CELF2: variants seen among roughly 807,000 people sequenced by gnomAD.
CELF2 encodes the protein CUGBP Elav-like family member 2.
Under a neutral mutation model 62.6 loss-of-function variants are expected in CELF2, and 8 were observed. The observed-to-expected ratio is 0.13, with a 90% CI of 0.07 to 0.23. The LOEUF (loss-of-function observed/expected upper bound fraction) is 0.23, where lower values mean the gene tolerates loss of function less well. CELF2 is among the 10% of genes least tolerant of loss of function. The pLI is 1.00. For missense variants in CELF2, 333 were observed against 671.0 expected (o/e 0.50, Z 5.56); for synonymous variants, 258 against 250.0 (o/e 1.03, Z -0.30).
the CELF2 span, among the ~76,000 whole-genome samples, chr10:10,575,405 TG>T: frequency 2.6e-5 from 4 of 152,234 alleles, no homozygotes; most frequent in Non-Finnish European, 4.4e-5. Flanking sequence ...TCACAAAACT[TG>T]CTCTATGTTG....
At chr10:10,925,352 C>T (rs1470333708) in intron 2 of CELF2, among the ~76,000 whole-genome samples, 1 of 152,014 alleles carries the variant, frequency 6.6e-6, no homozygotes, top group East Asian at 1.9e-4. Context: ...TCAGTATTGA[C>T]ACAGTTCATC....
chr10:11,134,863 C>A (rs549294038), intron 1 of CELF2, among the ~76,000 whole-genome samples: 3 of 152,162 alleles, frequency 2.0e-5, no homozygotes, highest in Non-Finnish European at 4.4e-5. Flanking sequence ...AGGAGGGGCA[C>A]GTGTCTATCT....
intron 1 of CELF2, chr10:11,030,546 C>A (rs1275434785): frequency 6.6e-6 from 1 of 152,174 alleles, no homozygotes; most frequent in African/African-American, 2.4e-5. Flanking sequence ...GGTCGCACTT[C>A]TGTTTCTTGT....
the CELF2 span, among the ~76,000 whole-genome samples, chr10:10,699,298 A>T: frequency 6.6e-6 from 1 of 152,226 alleles, no homozygotes; most frequent in Non-Finnish European, 1.5e-5. Flanking sequence ...AACAATCATG[A>T]CAGTAATTAT....
rs916504481 is a variant in CELF2 at position 10,814,406 on chromosome 10, T to G, written c.53+15589T>G. ...TCGCCACAAAATCTAACCTCTTCTT[T>G]TGGATGTGGCCTCCCACATTTTATT... is the stretch of plus-strand genomic sequence containing the variant. On this transcript the variant is annotated intron_variant, in intron 1 of 13. Coordinates refer to the CELF2 transcript ENST00000636488. 5.3e-5 allele frequency among the ~76,000 whole-genome samples: 8 copies of G among 152,052 alleles called. 1 individual carries two copies. The South Asian group carries it at 1.5e-3, about 28-fold the overall frequency.
intron 9 of CELF2, among the ~76,000 whole-genome samples, chr10:11,310,659 GAT>G (rs1397471056): frequency 1.3e-5 from 2 of 151,730 alleles, no homozygotes; most frequent in Non-Finnish European, 2.9e-5. Context: ...ATGTGCGAGG[GAT>G]AGTTTTTAAC....
At chr10:11,317,674 AC>A (rs2095124460) in intron 10 of CELF2, 1 of 152,206 alleles carries the variant, frequency 6.6e-6, no homozygotes, top group African/African-American at 2.4e-5. Flanking sequence ...TAGTCCCCCA[AC>A]AAAAGACATT....
the CELF2 span, among the ~76,000 whole-genome samples, chr10:10,758,754 G>A: frequency 6.6e-6 from 1 of 152,358 alleles, no homozygotes; most frequent in African/African-American, 2.4e-5. Flanking sequence ...CATCCAGTGT[G>A]TAATTGACAG....
intron 1 of CELF2, among the ~76,000 whole-genome samples, chr10:10,915,672 C>T (rs376853286): frequency 5.3e-5 from 8 of 152,092 alleles, no homozygotes; most frequent in South Asian, 4.1e-4. Flanking sequence ...TGGGCTCAAG[C>T]GATCCTCCTA....
At chr10:10,551,686 G>T in the CELF2 span, among the ~76,000 whole-genome samples, 1 of 152,144 alleles carries the variant, frequency 6.6e-6, no homozygotes, top group Non-Finnish European at 1.5e-5. Flanking sequence ...TTACAGCGTG[G>T]TCCTTAAGCA....
the CELF2 span, among the ~76,000 whole-genome samples, chr10:10,580,457 A>C: frequency 2.0e-5 from 3 of 152,146 alleles, no homozygotes; most frequent in Non-Finnish European, 4.4e-5. Flanking sequence ...TTCTAAGCTC[A>C]CAACCTGTTC....
chr10:10,744,911 A>T, the CELF2 span, among the ~76,000 whole-genome samples: 1 of 152,084 alleles, frequency 6.6e-6, no homozygotes, highest in East Asian at 1.9e-4. Flanking sequence ...CCATTTTACC[A>T]ATCTTTCCTG....
At chr10:10,868,623 G>C (rs527529673) in intron 1 of CELF2, among the ~76,000 whole-genome samples, 23 of 152,310 alleles carry the variant, frequency 1.5e-4, no homozygotes, top group Non-Finnish European at 3.1e-4. Flanking sequence ...TATTGCAGCT[G>C]TCTTTGGGGT....
At chr10:10,704,583 A>G in the CELF2 span, among the ~76,000 whole-genome samples, 1 of 152,186 alleles carries the variant, frequency 6.6e-6, no homozygotes, top group Admixed American at 6.5e-5. Context: ...AAACTATAAA[A>G]TTAAAAGGCT....
At chr10:10,512,745 T>C in the CELF2 span, among the ~76,000 whole-genome samples, 1 of 152,166 alleles carries the variant, frequency 6.6e-6, no homozygotes, top group South Asian at 2.1e-4. Flanking sequence ...ATTAAAGACA[T>C]TTTTATTTCT....
At chr10:10,519,485 A>G in the CELF2 span, among the ~76,000 whole-genome samples, 1 of 152,220 alleles carries the variant, frequency 6.6e-6, no homozygotes, top group South Asian at 2.1e-4. Context: ...GAACCTCACA[A>G]GTCAACTAAC....
At chr10:10,538,904 T>C in the CELF2 span, among the ~76,000 whole-genome samples, 1 of 152,246 alleles carries the variant, frequency 6.6e-6, no homozygotes, top group Non-Finnish European at 1.5e-5. Context: ...TGTTTGAGTG[T>C]CATCCTTTGT....
chr10:10,602,243 G>A, the CELF2 span, among the ~76,000 whole-genome samples: 1 of 152,082 alleles, frequency 6.6e-6, no homozygotes, highest in Non-Finnish European at 1.5e-5. Flanking sequence ...CTTCCTATGA[G>A]TGGCAGCTGT....
the CELF2 span, among the ~76,000 whole-genome samples, chr10:10,560,053 A>C: frequency 6.6e-6 from 1 of 152,194 alleles, no homozygotes; most frequent in Admixed American, 6.5e-5. Context: ...ATTTGGAATG[A>C]GGGCTCAATG....
Sources: gnomAD v4.1 joint callset for allele counts (sites outside exome capture counted in the v4.1 genomes callset) on GRCh38, gnomAD v4.1.1 for gene constraint, MANE v1.5 for transcripts, NCBI Gene and HGNC (gene_info 2026-07-23, HGNC 2026-07-21) for gene names.